Variants in CCDC50 observed in about 807,000 individuals in gnomAD.
The protein encoded by CCDC50 is coiled-coil domain containing 50, also known as coiled-coil domain-containing protein 50.
Under a neutral mutation model 70.2 loss-of-function variants are expected in CCDC50, and 54 were observed. The ratio of observed to expected loss-of-function variants is 0.77; its 90% CI spans 0.62 to 0.96. CCDC50 has a LOEUF of 0.96. CCDC50 is among the 50% of genes least tolerant of loss of function. The pLI is 0.00. For synonymous variants in CCDC50, 216 were observed against 198.8 expected (o/e 1.09, Z -0.73); for missense variants, 558 against 578.7 (o/e 0.96, Z 0.37).
In CCDC50 at chr3:191,394,364, T is replaced by C. The variant is rs1159587802; in HGVS notation, c.*2604T>C. On this transcript the variant is annotated 3_prime_UTR_variant, in exon 12 of 12. Transcript: ENST00000392455. ...CTTTCTCATTCAAATAATATAATAA[T>C]GTTTGAGACTATAGAAGCAACTCAA... 6.6e-6 allele frequency: 1 copy of C among 152,210 alleles called. No individual in the cohort carries two copies. Among genetic ancestry groups the C allele is most frequent in the Non-Finnish European group, 1.5e-5 (1 of 68,012 alleles). 9.4% of individuals were successfully genotyped at this position (152,210 alleles called of 1,614,324 possible).
rs1713871750 is a variant in CCDC50 at position 191,396,723 on chromosome 3, T to A, written c.*4963T>A. The A allele has an allele frequency of 6.6e-6, 1 of 151,946 alleles. No homozygotes were observed. Among genetic ancestry groups the A allele is most frequent in the South Asian group, 2.1e-4 (1 of 4,822 alleles). The allele number at this position is 151,946 out of a possible 1,614,324, so 9.4% of individuals were successfully genotyped here. On this transcript the variant is annotated 3_prime_UTR_variant, in exon 12 of 12. Transcript: ENST00000392455. ...ATGGGAGGTTTGCTAATGTGAAGAG[T>A]GTTTCTGTTTTATTACTTATAAGAG...
intron 1 of CCDC50, among the ~76,000 whole-genome samples, chr3:191,341,622 C>G (rs751304802): frequency 6.6e-6 from 1 of 152,184 alleles, no homozygotes; most frequent in Admixed American, 6.5e-5. Context: ...CTTTTCTCTT[C>G]TCAGAGTGCT....
chr3:191,389,110 C>T (rs1713596696), intron 10 of CCDC50, among the ~76,000 whole-genome samples: 2 of 151,744 alleles, frequency 1.3e-5, no homozygotes, highest in African/African-American at 4.8e-5. Flanking sequence ...TTCCTTTCTT[C>T]CTTGGCTTTA....
chr3:191,360,943 T>C, intron 3 of CCDC50, 126 bp from the exon 4 acceptor site: 3 of 697,592 alleles, frequency 4.3e-6, no homozygotes, highest in Admixed American at 4.4e-5. Context: ...ATCTTTATCT[T>C]GAAGATAAAG....
At chr3:191,358,616 T>C (rs1002410) in intron 3 of CCDC50, among the ~76,000 whole-genome samples, 45,543 of 152,112 alleles carry the variant, frequency 0.3, 6,838 homozygotes, top group Non-Finnish European at 0.32. Flanking sequence ...ACTCAGTTTT[T>C]TTCATAACTT....
At chr3:191,369,825 C>T in intron 4 of CCDC50, 94 bp from the exon 5 acceptor site, 1 of 847,678 alleles carries the variant, frequency 1.2e-6, no homozygotes, top group Non-Finnish European at 2.0e-6. Flanking sequence ...GGACAGAGCA[C>T]ATACAAACTT....
chr3:191,376,010 C>T (rs1327667034), intron 6 of CCDC50, among the ~76,000 whole-genome samples: 2 of 150,760 alleles, frequency 1.3e-5, no homozygotes, highest in Admixed American at 6.6e-5. Flanking sequence ...CCGATAGAGC[C>T]GGAAATACTG....
chr3:191,336,170 A>G (rs148257105), intron 1 of CCDC50, among the ~76,000 whole-genome samples: 122 of 151,390 alleles, frequency 8.1e-4, no homozygotes, highest in African/African-American at 2.9e-3. Context: ...GTATTTGAAC[A>G]TAAGTTTTTG....
intron 5 of CCDC50, 123 bp from the exon 6 acceptor site, chr3:191,374,939 C>T: frequency 9.9e-7 from 1 of 1,013,580 alleles, no homozygotes; most frequent in Non-Finnish European, 1.5e-6. Flanking sequence ...GTTGAAAAAG[C>T]AATTTTCTCC....
intron 1 of CCDC50, among the ~76,000 whole-genome samples, chr3:191,335,037 A>G (rs924675543): frequency 3.9e-5 from 6 of 152,224 alleles, no homozygotes; most frequent in African/African-American, 1.4e-4. Context: ...ATTTAAAGGT[A>G]GAAACTCTAA....
rs1034075126 is a variant in CCDC50 at position 191,393,409 on chromosome 3, G to A, written c.*1649G>A. 6.6e-6 allele frequency: 1 copy of A among 152,086 alleles called. No homozygotes were observed. The allele number at this position is 152,086 out of a possible 1,614,324, so 9.4% of individuals were successfully genotyped here. On this transcript the variant is annotated 3_prime_UTR_variant, in exon 12 of 12. Transcript: ENST00000392455. ...TCCCACTGTGAATTGCCTTCTGTTTGCCTTATCTTTTCAGATAGTCTTTAA... is the reference window on the plus strand; with the variant it reads ...TCCCACTGTGAATTGCCTTCTGTTTACCTTATCTTTTCAGATAGTCTTTAA...
chr3:191,364,771 A>G (rs1267261532), intron 4 of CCDC50, among the ~76,000 whole-genome samples: 1 of 145,820 alleles, frequency 6.9e-6, no homozygotes, highest in African/African-American at 2.8e-5. Flanking sequence ...GGAAAAGTTG[A>G]AAAAAAAATT....
chr3:191,376,083 A>G (rs936146283), intron 6 of CCDC50, among the ~76,000 whole-genome samples: 1 of 152,170 alleles, frequency 6.6e-6, no homozygotes, highest in African/African-American at 2.4e-5. Context: ...GTCTTTTAAG[A>G]AAGTATTTTT....
chr3:191,341,650 G>T (rs572255913), intron 1 of CCDC50, among the ~76,000 whole-genome samples: 15 of 152,116 alleles, frequency 9.9e-5, no homozygotes, highest in Admixed American at 2.0e-4. Context: ...TTCAGCCTTT[G>T]TTGGGAATAG....
rs1354319880 is a variant in CCDC50 at position 191,393,056 on chromosome 3, A to G, written c.*1296A>G. ...TCCAGCCAGCCAAGTATTTGGTTTT[A>G]AACATTTGTATTCCTTTGTGCAAGG... On this transcript the variant is annotated 3_prime_UTR_variant, in exon 12 of 12. Coordinates refer to ENST00000392455, the MANE Select transcript of CCDC50 (RefSeq NM_178335.3). 1.3e-5 allele frequency: 2 copies of G among 152,362 alleles called. No homozygotes were observed. The highest frequency in any genetic ancestry group is 4.8e-5 in the African/African-American group (2 of 41,582). 9.4% of individuals were successfully genotyped at this position (152,362 alleles called of 1,614,324 possible).
In CCDC50 at chr3:191,392,029, A is replaced by G. The variant is rs1713711888; in HGVS notation, c.*269A>G. 1.2e-5 allele frequency: 5 copies of G among 417,510 alleles called. No individual in the cohort carries two copies. The South Asian group carries it at 1.8e-4, about 15-fold the overall frequency. The allele number at this position is 417,510 out of a possible 1,614,324, so 25.9% of individuals were successfully genotyped here. ...GGGATATAGTATCTAAGACCTTTGT[A>G]AACTGCCATTTTGTTAGGTATGGAG... is the stretch of plus-strand genomic sequence containing the variant. On this transcript the variant is annotated 3_prime_UTR_variant, in exon 12 of 12. Coordinates refer to ENST00000392455, the MANE Select transcript of CCDC50 (RefSeq NM_178335.3).
intron 11 of CCDC50, among the ~76,000 whole-genome samples, chr3:191,390,940 ACT>A (rs1056844604): frequency 9.8e-5 from 15 of 152,332 alleles, no homozygotes; most frequent in Middle Eastern, 6.8e-3. Context: ...ATCTGCGTTC[ACT>A]TATGTACATT....
intron 4 of CCDC50, among the ~76,000 whole-genome samples, chr3:191,367,686 A>C (rs942176440): frequency 2.6e-5 from 4 of 151,970 alleles, no homozygotes; most frequent in African/African-American, 9.7e-5. Flanking sequence ...CATAGTTTAT[A>C]ATTTCTTCTG....
rs1348433710 is a variant in CCDC50 at position 191,398,112 on chromosome 3, G to C, written c.*6352G>C. On this transcript the variant is annotated 3_prime_UTR_variant, in exon 12 of 12. Coordinates refer to ENST00000392455, the MANE Select transcript of CCDC50 (RefSeq NM_178335.3). ...CTCATTGAGGAAAATGAGAATTGTG[G>C]TGCTGGTGACTTTCATGTGTCTTGG... 1 of 152,162 alleles carries C rather than the reference G, an allele frequency of 6.6e-6. No individual in the cohort carries two copies. The highest frequency in any genetic ancestry group is 6.5e-5 in the Admixed American group (1 of 15,274). 9.4% of individuals were successfully genotyped at this position (152,162 alleles called of 1,614,324 possible).
Sources: gnomAD v4.1 joint callset for allele counts (sites outside exome capture counted in the v4.1 genomes callset) on GRCh38, gnomAD v4.1.1 for gene constraint, MANE v1.5 for transcripts, NCBI Gene and HGNC (gene_info 2026-07-23, HGNC 2026-07-21) for gene names.